The following DGKG variants were observed in gnomAD, a reference collection of about 807,000 sequenced individuals.
The protein encoded by DGKG is diacylglycerol kinase gamma, also known as DAG kinase gamma.
A neutral mutation model predicts 105.3 loss-of-function variants in DGKG; 78 were observed. The ratio of observed to expected loss-of-function variants is 0.74; its 90% CI spans 0.62 to 0.89. DGKG has a LOEUF of 0.89. Among genes scored for constraint, DGKG ranks in the 40% least tolerant of loss-of-function variants. The pLI, the probability that DGKG is intolerant of heterozygous loss-of-function variation, is 0.00. For synonymous variants in DGKG, 346 were observed against 367.1 expected (o/e 0.94, Z 0.66); for missense variants, 958 against 1,020.1 (o/e 0.94, Z 0.83).
chr3:186,214,197 A>G (rs1233808965), intron 20 of DGKG, among the ~76,000 whole-genome samples: 1 of 152,240 alleles, frequency 6.6e-6, no homozygotes, highest in East Asian at 1.9e-4. Context: ...TCGCAGAATA[A>G]CTGAGAAGAT....
chr3:186,248,526 C>G (rs1721055278), intron 19 of DGKG, among the ~76,000 whole-genome samples: 1 of 152,204 alleles, frequency 6.6e-6, no homozygotes, highest in Non-Finnish European at 1.5e-5. Flanking sequence ...CCATCTGCAT[C>G]AGAATGATCT....
At chr3:186,195,091 C>T (rs1428743482) in intron 21 of DGKG, among the ~76,000 whole-genome samples, 6 of 144,160 alleles carry the variant, frequency 4.2e-5, no homozygotes, top group South Asian at 2.3e-4. Flanking sequence ...GGCGATAGAG[C>T]GAGACTCTGT....
Position 186,292,006 on chromosome 3 carries a change from T to C in DGKG, c.374-3126A>G, listed in dbSNP as rs954318950. Among the ~76,000 whole-genome samples the C allele has an allele frequency of 2.6e-5, 4 of 152,182 alleles. No individual in the cohort carries two copies. The South Asian group carries it at 8.3e-4, about 32-fold the overall frequency. On this transcript the variant is annotated intron_variant, in intron 5 of 24. Coordinates refer to ENST00000265022, the MANE Select transcript of DGKG (RefSeq NM_001346.3). ...CAGGAAGGCTGAGAGGCACTGACAC[T>C]GTCTCATTAGTGTCCTTCCTCTTCA...
At chr3:186,188,108 G>T in intron 22 of DGKG, 94 bp downstream of exon 22, 2 of 1,408,208 alleles carry the variant, frequency 1.4e-6, no homozygotes, top group South Asian at 2.5e-5. Context: ...AGTCCTTGCT[G>T]GGCTGTGGGG....
At chr3:186,280,035 G>A in intron 8 of DGKG, 62 bp from the exon 9 acceptor site, 2 of 1,596,680 alleles carry the variant, frequency 1.3e-6, no homozygotes. Flanking sequence ...CCTGCCTTCT[G>A]CCTCTGCTGT....
chr3:186,186,838 T>A (rs1275065526), intron 22 of DGKG, among the ~76,000 whole-genome samples: 1 of 152,160 alleles, frequency 6.6e-6, no homozygotes, highest in Admixed American at 6.5e-5. Context: ...AAATGGCTAC[T>A]TTTGGGGCTG....
In DGKG at chr3:186,284,426, A is replaced by T. The variant is rs1282696025; in HGVS notation, c.594+234T>A. On this transcript the variant is annotated intron_variant, in intron 7 of 24. Coordinates refer to ENST00000265022, the MANE Select transcript of DGKG (RefSeq NM_001346.3). This position sits in a 1 kb window ranked among gnomAD's most constrained non-coding sequence, Gnocchi z 4.0. ...TGCTAAAGCATCCCTCCATCCTGAG[A>T]TTTGATGATCCCAGGCTTCTAGAGC... Among the ~76,000 whole-genome samples, 4 of 152,144 alleles carry T rather than the reference A, an allele frequency of 2.6e-5. No individual in the cohort carries two copies. Among genetic ancestry groups the T allele is most frequent in the Admixed American group, 6.5e-5 (1 of 15,276 alleles).
At chr3:186,307,532 G>A (rs111881744) in intron 2 of DGKG, among the ~76,000 whole-genome samples, 1 of 152,068 alleles carries the variant, frequency 6.6e-6, no homozygotes, top group African/African-American at 2.4e-5. Flanking sequence ...TGGCTCCCAC[G>A]TGACTTGTAC....
chr3:186,345,844 A>G (rs1726304909), intron 1 of DGKG, among the ~76,000 whole-genome samples: 1 of 152,204 alleles, frequency 6.6e-6, no homozygotes, highest in South Asian at 2.1e-4. Context: ...ATCTCAGCTC[A>G]CTGCAACCTC....
intron 1 of DGKG, among the ~76,000 whole-genome samples, chr3:186,321,890 C>T (rs566875466): frequency 4.6e-5 from 7 of 152,296 alleles, no homozygotes; most frequent in South Asian, 2.1e-4. Flanking sequence ...TCTAGTCTCT[C>T]GCCCTGAGAA....
At position 186,149,454 on chromosome 3, in the gene DGKG, G is replaced by A. The variant is rs907232733; in HGVS notation, c.*636C>T. The A allele has an allele frequency of 4.1e-6, 4 of 985,426 alleles. No homozygotes were observed. The highest frequency in any genetic ancestry group is 4.8e-6 in the Non-Finnish European group (4 of 829,952). 61.0% of individuals were successfully genotyped at this position (985,426 alleles called of 1,614,324 possible). On this transcript the variant is annotated 3_prime_UTR_variant, in exon 25 of 25. Coordinates refer to ENST00000265022, the MANE Select transcript of DGKG (RefSeq NM_001346.3). ...TCCTGGAAAATAACAAGTGCCCACC[G>A]ACGGCGCAGAAACCCAAGAATGGAA...
At chr3:186,158,812 C>T (rs1560075053) in intron 24 of DGKG, 1 of 901,904 alleles carries the variant, frequency 1.1e-6, no homozygotes, top group Non-Finnish European at 1.3e-6. Context: ...AAATATCTAA[C>T]ATTTTATGAC....
chr3:186,199,926 T>G (rs1277493968), intron 21 of DGKG, among the ~76,000 whole-genome samples: 1 of 152,234 alleles, frequency 6.6e-6, no homozygotes, highest in Non-Finnish European at 1.5e-5. Flanking sequence ...GCGGGTTTCA[T>G]GCATGAGATG....
chr3:186,345,570 T>C (rs1726289927), intron 1 of DGKG, among the ~76,000 whole-genome samples: 2 of 152,322 alleles, frequency 1.3e-5, no homozygotes, highest in African/African-American at 4.8e-5. Context: ...AATTTAAGTG[T>C]CAGGAATGAA....
chr3:186,301,283 C>T (rs1723907816), intron 3 of DGKG, among the ~76,000 whole-genome samples: 1 of 152,162 alleles, frequency 6.6e-6, no homozygotes, highest in South Asian at 2.1e-4. Flanking sequence ...CTATCCTTGC[C>T]CTATTGATCT....
intron 9 of DGKG, among the ~76,000 whole-genome samples, chr3:186,278,041 A>G (rs1223879727): frequency 6.6e-6 from 1 of 152,206 alleles, no homozygotes; most frequent in Non-Finnish European, 1.5e-5. Context: ...CTTTCCTGAT[A>G]TAAATGAGAG....
chr3:186,233,156 TG>T (rs1720236197), intron 20 of DGKG, among the ~76,000 whole-genome samples: 1 of 152,138 alleles, frequency 6.6e-6, no homozygotes, highest in South Asian at 2.1e-4. Context: ...GCCAGTCAAT[TG>T]ACCTTGAGAT....
chr3:186,359,624 C>A (rs1241873746), intron 1 of DGKG, among the ~76,000 whole-genome samples: 1 of 152,080 alleles, frequency 6.6e-6, no homozygotes, highest in Non-Finnish European at 1.5e-5. Context: ...AATAACACCT[C>A]AGAGGGACTC....
chr3:186,341,817 C>A (rs979058726), intron 1 of DGKG, among the ~76,000 whole-genome samples: 3 of 152,068 alleles, frequency 2.0e-5, no homozygotes, highest in African/African-American at 7.2e-5. Flanking sequence ...ACATATACAC[C>A]ATGGAATACT....
Sources: gnomAD v4.1 joint callset for allele counts (sites outside exome capture counted in the v4.1 genomes callset) on GRCh38, gnomAD v4.1.1 for gene constraint, Gnocchi (gnomAD v3.1) non-coding constraint, MANE v1.5 for transcripts, NCBI Gene and HGNC (gene_info 2026-07-23, HGNC 2026-07-21) for gene names.